The following ADGRL2 variants were observed in gnomAD, a reference collection of about 807,000 sequenced individuals.
ADGRL2 encodes the protein adhesion G protein-coupled receptor L2, also known as calcium-independent alpha-latrotoxin receptor 2.
A neutral mutation model predicts 157.4 loss-of-function variants in ADGRL2; 44 were observed. The ratio of observed to expected loss-of-function variants is 0.28; its 90% CI spans 0.22 to 0.36. The LOEUF is 0.36. ADGRL2 is among the 10% of genes least tolerant of loss of function. The probability of loss-of-function intolerance (pLI) is 1.00; values close to 1 mark genes in which losing one functional copy is unlikely to be tolerated. For synonymous variants in ADGRL2, 585 were observed against 624.7 expected (o/e 0.94, Z 0.95); for missense variants, 1,510 against 1,768.9 (o/e 0.85, Z 2.63).
chr1:81,383,334 T>G (rs920457660), intron 1 of ADGRL2, among the ~76,000 whole-genome samples: 3 of 152,128 alleles, frequency 2.0e-5, no homozygotes, highest in Non-Finnish European at 4.4e-5. Flanking sequence ...AGCACTCACA[T>G]TGATAGATTG....
intron 3 of ADGRL2, among the ~76,000 whole-genome samples, chr1:81,670,166 C>T (rs2082844650): frequency 6.6e-6 from 1 of 152,116 alleles, no homozygotes; most frequent in Admixed American, 6.5e-5. Context: ...TTACTATATA[C>T]TTTCTTTCAA....
chr1:81,747,701 T>TTGTGTGTGTGTGTG (rs10556401), intron 1 of ADGRL2, among the ~76,000 whole-genome samples: 7 of 147,254 alleles, frequency 4.8e-5, no homozygotes, highest in Non-Finnish European at 9.0e-5. Flanking sequence ...CCTTTAATGT[T>TTGTGTGTGTGTGTG]TGTGTGTGTG....
At chr1:81,971,310 A>G (rs1658663372) in intron 16 of ADGRL2, among the ~76,000 whole-genome samples, 1 of 152,146 alleles carries the variant, frequency 6.6e-6, no homozygotes, top group South Asian at 2.1e-4. Context: ...TTACTCTAAT[A>G]CTGTGTGAGT....
intron 2 of ADGRL2, chr1:81,502,811 C>T (rs1445626748): frequency 3.7e-6 from 6 of 1,612,092 alleles, no homozygotes; most frequent in Admixed American, 3.3e-5. Context: ...TCACCTGCTG[C>T]GGCTACTGCT....
intron 1 of ADGRL2, among the ~76,000 whole-genome samples, chr1:81,824,593 A>G (rs1162302788): frequency 5.9e-5 from 9 of 152,196 alleles, no homozygotes; most frequent in Non-Finnish European, 1.3e-4. Flanking sequence ...ACATTTTAAA[A>G]CTAGTTTAAA....
At chr1:81,695,268 T>A (rs1331698993), upstream of ADGRL2, among the ~76,000 whole-genome samples, 1 of 151,632 alleles carries the variant, frequency 6.6e-6, no homozygotes, top group African/African-American at 2.4e-5. Context: ...TACAAATATA[T>A]TAAAAATTAT....
chr1:81,394,068 A>G (rs2101157834), intron 1 of ADGRL2, among the ~76,000 whole-genome samples: 1 of 152,206 alleles, frequency 6.6e-6, no homozygotes, highest in East Asian at 1.9e-4. Flanking sequence ...ATGGAATTAC[A>G]ATATGTAGTT....
rs774686163 is a variant in ADGRL2, at chr1:81,606,769, TGTGTGC to T, written c.-143+25791_-143+25796del. 6.3e-4 allele frequency among the ~76,000 whole-genome samples: 71 copies of T among 111,882 alleles called. No homozygotes were observed. The East Asian group carries it at 0.013, about 21-fold the overall frequency. 73.4% of individuals were successfully genotyped at this position (111,882 alleles called of 152,430 possible). On this transcript the variant is annotated intron_variant, in intron 3 of 24. Transcript: ENST00000370721. The stretch of plus-strand genomic sequence containing the variant: ...ACGTGTGTGTGTGTGTGTGTGTGTG[TGTGTGC>T]GCACGCGTGTGTGTGTGTTTATGGC...
chr1:81,690,636 A>C (rs2083312784), intron 3 of ADGRL2, among the ~76,000 whole-genome samples: 1 of 152,234 alleles, frequency 6.6e-6, no homozygotes, highest in African/African-American at 2.4e-5. Flanking sequence ...CAAAGGGCTC[A>C]GTGTTTTAAT....
intron 6 of ADGRL2, among the ~76,000 whole-genome samples, chr1:81,944,371 T>C (rs2148969892): frequency 6.6e-6 from 1 of 152,106 alleles, no homozygotes; most frequent in East Asian, 1.9e-4. Context: ...TGATCCCAAG[T>C]GATGACTTGT....
chr1:81,316,427 C>T (rs1660113739), intron 1 of ADGRL2, among the ~76,000 whole-genome samples: 1 of 152,084 alleles, frequency 6.6e-6, no homozygotes, highest in Admixed American at 6.6e-5. Context: ...AAAATGACCT[C>T]CTTTGCTTTC....
At chr1:81,824,669 G>T (rs2149942204) in intron 1 of ADGRL2, among the ~76,000 whole-genome samples, 1 of 152,294 alleles carries the variant, frequency 6.6e-6, no homozygotes, top group East Asian at 1.9e-4. Flanking sequence ...ACAGATAATG[G>T]CAGTAAGAAT....
intron 2 of ADGRL2, chr1:81,502,444 C>T: frequency 6.2e-7 from 1 of 1,614,018 alleles, no homozygotes; most frequent in Non-Finnish European, 8.5e-7. Context: ...GGAAAGAGTT[C>T]CTGGATGACC....
intron 14 of ADGRL2, among the ~76,000 whole-genome samples, 175 bp from the exon 15 acceptor site, chr1:81,969,003 A>G (rs1657943601): frequency 1.3e-5 from 2 of 152,308 alleles, no homozygotes; most frequent in South Asian, 4.1e-4. Context: ...AATAATATTG[A>G]ACGCTATTAT....
At chr1:81,396,617 G>C (rs2076659673) in intron 1 of ADGRL2, among the ~76,000 whole-genome samples, 1 of 152,122 alleles carries the variant, frequency 6.6e-6, no homozygotes, top group African/African-American at 2.4e-5. Context: ...CAGTTCAGAT[G>C]TTAACTGTGG....
At chr1:81,559,572 C>A (rs544443769) in intron 2 of ADGRL2, among the ~76,000 whole-genome samples, 2 of 151,854 alleles carry the variant, frequency 1.3e-5, no homozygotes, top group Admixed American at 6.6e-5. Flanking sequence ...CAGGAATATT[C>A]TCCTATAACT....
chr1:81,821,521 G>A (rs1448436065), intron 1 of ADGRL2, among the ~76,000 whole-genome samples: 1 of 152,048 alleles, frequency 6.6e-6, no homozygotes, highest in African/African-American at 2.4e-5. Context: ...CTGGTGACTT[G>A]TATTAAGATC....
chr1:81,333,376 G>A (rs1393740768), intron 1 of ADGRL2, among the ~76,000 whole-genome samples: 1 of 151,516 alleles, frequency 6.6e-6, no homozygotes, highest in African/African-American at 2.4e-5. Context: ...TTTATGCTGG[G>A]CACCTCCTTG....
intron 21 of ADGRL2, 86 bp from the exon 22 acceptor site, chr1:81,986,815 A>C: frequency 7.1e-7 from 1 of 1,402,244 alleles, no homozygotes; most frequent in South Asian, 1.3e-5. Flanking sequence ...GAATATAAAA[A>C]AAATAGTTGA....
Sources: gnomAD v4.1 joint callset for allele counts (sites outside exome capture counted in the v4.1 genomes callset) on GRCh38, gnomAD v4.1.1 for gene constraint, MANE v1.5 for transcripts, NCBI Gene and HGNC (gene_info 2026-07-23, HGNC 2026-07-21) for gene names.